TRHDE: variants seen among roughly 807,000 people sequenced by gnomAD.
TRHDE encodes thyrotropin-releasing hormone-degrading ectoenzyme.
TRHDE carries 72 observed loss-of-function variants against 125.7 expected under a neutral mutation model. That is an observed-to-expected ratio of 0.57 (90% CI 0.47 to 0.70). The LOEUF is 0.70. Among genes scored for constraint, TRHDE ranks in the 30% least tolerant of loss-of-function variants. The pLI is 0.00. For synonymous variants in TRHDE, 509 were observed against 509.1 expected (o/e 1.00, Z 0.00); for missense variants, 1,110 against 1,327.1 (o/e 0.84, Z 2.54).
intron 2 of TRHDE, among the ~76,000 whole-genome samples, chr12:72,164,375 A>G (rs1047550238): frequency 1.3e-5 from 2 of 151,996 alleles, no homozygotes; most frequent in Non-Finnish European, 2.9e-5. Flanking sequence ...GTTGTGCTGA[A>G]CTCTTATTAA....
intron 2 of TRHDE, among the ~76,000 whole-genome samples, chr12:72,359,192 T>C (rs1349977493): frequency 8.3e-6 from 1 of 120,706 alleles, no homozygotes; most frequent in African/African-American, 3.2e-5. Context: ...AAAAAAAACA[T>C]ATCTGAAGAG....
At chr12:72,348,210 G>A (rs937732651) in intron 2 of TRHDE, among the ~76,000 whole-genome samples, 8 of 151,792 alleles carry the variant, frequency 5.3e-5, no homozygotes, top group African/African-American at 1.7e-4. Context: ...TTTTTGTGAT[G>A]AGAACACTTA....
chr12:72,290,942 A>C (rs190928265), intron 2 of TRHDE, among the ~76,000 whole-genome samples: 15 of 152,352 alleles, frequency 9.8e-5, no homozygotes, highest in Admixed American at 5.2e-4. Flanking sequence ...CTTTCAGCAA[A>C]AGAGGGCATT....
chr12:72,409,291 T>G (rs1035979858), intron 3 of TRHDE, among the ~76,000 whole-genome samples: 28 of 152,300 alleles, frequency 1.8e-4, no homozygotes, highest in African/African-American at 5.5e-4. Context: ...GAAGATATAT[T>G]TTAAGAATTT....
At chr12:72,384,671 T>G (rs1341437601) in intron 3 of TRHDE, among the ~76,000 whole-genome samples, 1 of 152,040 alleles carries the variant, frequency 6.6e-6, no homozygotes, top group Admixed American at 6.5e-5. Flanking sequence ...GCTGATGGAG[T>G]CAACATTTTT....
At chr12:72,228,783 T>G (rs1878188010) in intron 2 of TRHDE, among the ~76,000 whole-genome samples, 1 of 152,220 alleles carries the variant, frequency 6.6e-6, no homozygotes, top group Admixed American at 6.5e-5. Context: ...AAATTTCTTC[T>G]GCCAGATGTC....
At chr12:72,605,394 C>A (rs1301884657) in intron 12 of TRHDE, among the ~76,000 whole-genome samples, 1 of 151,890 alleles carries the variant, frequency 6.6e-6, no homozygotes, top group Non-Finnish European at 1.5e-5. Flanking sequence ...TTTAGCTTTG[C>A]CCTTTATTTC....
At chr12:72,592,562 TTTTCTC>T (rs1207944820) in intron 12 of TRHDE, among the ~76,000 whole-genome samples, 2 of 151,940 alleles carry the variant, frequency 1.3e-5, no homozygotes, top group African/African-American at 4.8e-5. Context: ...GTGATTTTTT[TTTTCTC>T]TCTCTCTCTC....
rs544919717 is a variant in TRHDE, at chr12:72,331,407, A to G, written c.1188+44453A>G. On this transcript the variant is annotated intron_variant, in intron 2 of 18. Coordinates refer to ENST00000261180, the MANE Select transcript of TRHDE (RefSeq NM_013381.3). ...CATTAATTCTCTTTACTTACTTAGC[A>G]ACAAGAAAGTTAACTCTCTCAGTTA... Among the ~76,000 whole-genome samples the G allele has an allele frequency of 1.8e-4, 12 of 66,730 alleles. 1 individual carries two copies. In the East Asian group the frequency reaches 2.8e-3, roughly 15 times the overall value. The allele number at this position is 66,730 out of a possible 152,430, so 43.8% of individuals were successfully genotyped here.
chr12:72,598,682 T>C (rs1872081402), intron 12 of TRHDE, among the ~76,000 whole-genome samples: 3 of 152,190 alleles, frequency 2.0e-5, no homozygotes, highest in Admixed American at 2.0e-4. Flanking sequence ...ATTTTGGTTT[T>C]GCTTTTTAAG....
intron 2 of TRHDE, among the ~76,000 whole-genome samples, chr12:72,259,835 C>T (rs1878906104): frequency 6.6e-6 from 1 of 152,192 alleles, no homozygotes; most frequent in African/African-American, 2.4e-5. Context: ...CCCTGACACT[C>T]AGTAACACCC....
intron 15 of TRHDE, among the ~76,000 whole-genome samples, chr12:72,632,327 C>T (rs1873530448): frequency 6.6e-6 from 1 of 151,876 alleles, no homozygotes. Context: ...AGTGCCCTGA[C>T]CAGAGCTGAG....
chr12:72,582,610 T>C (rs1221546822), intron 12 of TRHDE: 2 of 985,450 alleles, frequency 2.0e-6, no homozygotes, highest in Non-Finnish European at 1.2e-6. Context: ...CCTGGCTAGA[T>C]GAGTAGCAGT....
At chr12:72,592,714 T>TG (rs1277595292) in intron 12 of TRHDE, among the ~76,000 whole-genome samples, 4 of 151,748 alleles carry the variant, frequency 2.6e-5, no homozygotes, top group Non-Finnish European at 5.9e-5. Flanking sequence ...CTTTCTTTTT[T>TG]TTTTTTCTTC....
chr12:72,509,420 T>C (rs527412598), intron 6 of TRHDE, among the ~76,000 whole-genome samples: 1 of 152,110 alleles, frequency 6.6e-6, no homozygotes, highest in Non-Finnish European at 1.5e-5. Context: ...TCTCTATTAC[T>C]CTCCCTAAAC....
intron 2 of TRHDE, among the ~76,000 whole-genome samples, chr12:72,212,712 T>G (rs1877808875): frequency 6.6e-6 from 1 of 152,066 alleles, no homozygotes; most frequent in African/African-American, 2.4e-5. Flanking sequence ...ATGGAAAAAT[T>G]GATATTCTTA....
chr12:72,463,766 AT>A (rs1162236593), intron 3 of TRHDE, among the ~76,000 whole-genome samples: 1 of 152,166 alleles, frequency 6.6e-6, no homozygotes, highest in Non-Finnish European at 1.5e-5. Context: ...TATTGCACAC[AT>A]TTTTGTTAGT....
chr12:72,615,356 G>A (rs1186783567), intron 12 of TRHDE, among the ~76,000 whole-genome samples: 4 of 152,254 alleles, frequency 2.6e-5, no homozygotes, highest in South Asian at 2.1e-4. Context: ...CCCTAAGTGC[G>A]CTTCCTACTG....
At chr12:72,563,549 T>C (rs7296979) in intron 9 of TRHDE, among the ~76,000 whole-genome samples, 40,490 of 152,098 alleles carry the variant, frequency 0.27, 8,129 homozygotes, top group African/African-American at 0.54. Flanking sequence ...TTCTCTTTCT[T>C]ATTTTTAGTG....
Sources: gnomAD v4.1 joint callset for allele counts (sites outside exome capture counted in the v4.1 genomes callset) on GRCh38, gnomAD v4.1.1 for gene constraint, MANE v1.5 for transcripts, NCBI Gene and HGNC (gene_info 2026-07-23, HGNC 2026-07-21) for gene names.